ZNF827: variants seen among roughly 807,000 people sequenced by gnomAD.
ZNF827 encodes zinc finger protein 827.
In ZNF827, 13 loss-of-function variants were observed where a neutral mutation model predicts 102.4. The ratio of observed to expected loss-of-function variants is 0.13; its 90% confidence interval spans 0.08 to 0.20. ZNF827 has a LOEUF of 0.20. ZNF827 is among the 10% of genes least tolerant of loss of function. The pLI, the probability that ZNF827 is intolerant of heterozygous loss-of-function variation, is 1.00. For synonymous variants in ZNF827, 523 were observed against 536.2 expected, an observed-to-expected ratio of 0.98 and a Z score of 0.34; for missense variants, 1,103 against 1,344.4, an observed-to-expected ratio of 0.82 and a Z score of 2.81.
At chr4:145,791,810 C>T (rs1311170296) in intron 8 of ZNF827, among the ~76,000 whole-genome samples, 2 of 152,094 alleles carry the variant, frequency 1.3e-5, no homozygotes, top group Non-Finnish European at 2.9e-5. Context: ...TAAGGTTGGC[C>T]TCATTATTAT....
intron 4 of ZNF827, among the ~76,000 whole-genome samples, chr4:145,882,413 G>A (rs1400308268): frequency 6.6e-6 from 1 of 152,180 alleles, no homozygotes; most frequent in Non-Finnish European, 1.5e-5. Context: ...ATTTTTGAAG[G>A]ACCAAGCAGT....
intron 2 of ZNF827, among the ~76,000 whole-genome samples, chr4:145,901,468 G>GA (rs1389032848): frequency 6.6e-6 from 1 of 152,148 alleles, no homozygotes; most frequent in Admixed American, 6.5e-5. Context: ...GCCTCCACTA[G>GA]AAAAACCTTA....
intron 8 of ZNF827, among the ~76,000 whole-genome samples, chr4:145,788,543 C>T (rs184675951): frequency 2.0e-5 from 3 of 152,346 alleles, no homozygotes; most frequent in Admixed American, 2.0e-4. Context: ...TGTACTTGTA[C>T]TTCCAAGATT....
At chr4:145,909,068 A>G (rs1752081122) in intron 1 of ZNF827, among the ~76,000 whole-genome samples, 1 of 152,234 alleles carries the variant, frequency 6.6e-6, no homozygotes, top group Non-Finnish European at 1.5e-5. Context: ...CCAATGAAAA[A>G]ATTGTATATT....
intron 4 of ZNF827, among the ~76,000 whole-genome samples, chr4:145,872,032 T>A (rs1445324759): frequency 6.6e-6 from 1 of 152,162 alleles, no homozygotes; most frequent in Non-Finnish European, 1.5e-5. Flanking sequence ...ACCTGCTCAG[T>A]GAGGTCTACT....
At chr4:145,880,524 C>A (rs373319794) in intron 4 of ZNF827, among the ~76,000 whole-genome samples, 129 of 152,344 alleles carry the variant, frequency 8.5e-4, no homozygotes, top group Middle Eastern at 3.4e-3. Context: ...ATAGTCCTAC[C>A]TGCTCCTTTC....
chr4:145,927,522 C>T (rs1220529881), intron 1 of ZNF827, among the ~76,000 whole-genome samples: 1 of 152,160 alleles, frequency 6.6e-6, no homozygotes, highest in African/African-American at 2.4e-5. Flanking sequence ...GAGGGAAATA[C>T]TATTGGCAGC....
chr4:145,775,458 A>G (rs898058477), intron 10 of ZNF827, among the ~76,000 whole-genome samples: 3 of 151,828 alleles, frequency 2.0e-5, no homozygotes, highest in African/African-American at 7.3e-5. Context: ...CTTAGGGAGC[A>G]GCAACACACT....
At chr4:145,936,923 G>A (rs1754219537) in intron 1 of ZNF827, among the ~76,000 whole-genome samples, 1 of 151,942 alleles carries the variant, frequency 6.6e-6, no homozygotes, top group Middle Eastern at 3.4e-3. Flanking sequence ...TGTGGGGGGA[G>A]AGAAGAGAAA....
chr4:145,774,474 G>A (rs181935542), intron 11 of ZNF827, 32 bp downstream of exon 11: 25 of 1,593,108 alleles, frequency 1.6e-5, no homozygotes, highest in African/African-American at 2.7e-5. Context: ...GGATGGAGAA[G>A]GAGTGTGAGA....
intron 1 of ZNF827, among the ~76,000 whole-genome samples, chr4:145,921,456 A>G (rs1579575746): frequency 1.0e-5 from 1 of 98,764 alleles, no homozygotes; most frequent in Non-Finnish European, 1.9e-5. Flanking sequence ...GGGAGGGGAG[A>G]GGTGAGACTC....
At chr4:145,812,255 G>C (rs896380966) in intron 8 of ZNF827, among the ~76,000 whole-genome samples, 4 of 152,030 alleles carry the variant, frequency 2.6e-5, no homozygotes, top group Non-Finnish European at 4.4e-5. Context: ...TGAGACTAAT[G>C]ACAGAGGGAA....
intron 4 of ZNF827, among the ~76,000 whole-genome samples, chr4:145,871,496 T>C (rs548456065): frequency 6.6e-6 from 1 of 152,266 alleles, no homozygotes; most frequent in South Asian, 2.1e-4. Context: ...ACCCTCTTCC[T>C]ACTACTCTTC....
intron 7 of ZNF827, among the ~76,000 whole-genome samples, chr4:145,838,114 C>A: frequency 6.6e-6 from 1 of 152,142 alleles, no homozygotes; most frequent in East Asian, 1.9e-4. Flanking sequence ...ACGTATATGC[C>A]CAGATGGCCT....
Position 145,760,810 on chromosome 4 carries a change from A to G in ZNF827, c.*806T>C. On this transcript the variant is annotated 3_prime_UTR_variant, in exon 15 of 15. Coordinates refer to ENST00000508784, the MANE Select transcript of ZNF827 (RefSeq NM_001306215.2). ...AGTCTCTGCTCTTTCTCTCAGTCCG[A>G]GATAGGCCAGGAAGGAGTGTTTGGG... The G allele has an allele frequency of 1.7e-6, 2 of 1,183,730 alleles. No homozygotes were observed. The highest frequency in any genetic ancestry group is 2.1e-6 in the Non-Finnish European group (2 of 938,896). The allele number at this position is 1,183,730 out of a possible 1,614,324, so 73.3% of individuals were successfully genotyped here.
intron 8 of ZNF827, among the ~76,000 whole-genome samples, chr4:145,788,222 G>A (rs189304271): frequency 7.5e-4 from 114 of 152,180 alleles, no homozygotes; most frequent in South Asian, 3.1e-3. Context: ...GATTTGTATC[G>A]TAAAGAACTG....
chr4:145,930,108 C>T (rs1371106491), intron 1 of ZNF827, among the ~76,000 whole-genome samples: 2 of 152,102 alleles, frequency 1.3e-5, no homozygotes, highest in Non-Finnish European at 2.9e-5. Context: ...ACAGATGATA[C>T]TTTCTCCCTC....
At chr4:145,905,500 C>G (rs1751779064) in intron 1 of ZNF827, among the ~76,000 whole-genome samples, 1 of 152,196 alleles carries the variant, frequency 6.6e-6, no homozygotes, top group Non-Finnish European at 1.5e-5. Context: ...TGAATTTTCT[C>G]TGTTAAAAAC....
chr4:145,825,688 G>C (rs986397121), intron 7 of ZNF827, among the ~76,000 whole-genome samples: 1 of 152,190 alleles, frequency 6.6e-6, no homozygotes, highest in Non-Finnish European at 1.5e-5. Flanking sequence ...GCTAAGTAGT[G>C]GCAATGGGCT....
Sources: gnomAD v4.1 joint callset for allele counts (sites outside exome capture counted in the v4.1 genomes callset) on GRCh38, gnomAD v4.1.1 for gene constraint, MANE v1.5 for transcripts, NCBI Gene and HGNC (gene_info 2026-07-23, HGNC 2026-07-21) for gene names.